Variants in EHF observed in about 807,000 individuals in gnomAD.
EHF encodes the protein ETS homologous factor, also known as ESE3 transcription factor.
In EHF, 14 loss-of-function variants were observed where a neutral mutation model predicts 45.1. That is an observed-to-expected ratio of 0.31 (90% CI 0.21 to 0.49). EHF has a LOEUF of 0.49. Ranked by LOEUF, EHF falls within the 20% of genes least tolerant of loss-of-function variation. The probability of loss-of-function intolerance (pLI) is 0.99; values close to 1 mark genes in which losing one functional copy is unlikely to be tolerated. For missense variants in EHF, 282 were observed against 371.4 expected (o/e 0.76, Z 1.98); for synonymous variants, 136 against 131.8 (o/e 1.03, Z -0.22).
intron 1 of EHF, chr11:34,632,427 A>G: frequency 6.9e-7 from 1 of 1,446,794 alleles, no homozygotes; most frequent in South Asian, 1.4e-5. Flanking sequence ...ACATAAACAC[A>G]CCATTGTCTC....
At chr11:34,645,733 G>A (rs1191909522) in intron 2 of EHF, among the ~76,000 whole-genome samples, 2 of 152,352 alleles carry the variant, frequency 1.3e-5, no homozygotes, top group South Asian at 2.1e-4. Context: ...TTAGCTGAAA[G>A]AACAGCATAG....
chr11:34,634,559 G>A (rs562639728), intron 1 of EHF, among the ~76,000 whole-genome samples: 1 of 152,276 alleles, frequency 6.6e-6, no homozygotes, highest in Admixed American at 6.5e-5. Flanking sequence ...CTGCTCCGTG[G>A]CCCTGGTGGT....
At chr11:34,625,385 C>T (rs561197102) in intron 1 of EHF, among the ~76,000 whole-genome samples, 9 of 152,284 alleles carry the variant, frequency 5.9e-5, no homozygotes, top group East Asian at 1.9e-4. Context: ...TTCTATAAAA[C>T]GCCAAAGCAG....
At chr11:34,646,979 G>T in intron 3 of EHF, 2 of 408,202 alleles carry the variant, frequency 4.9e-6, no homozygotes, top group Non-Finnish European at 4.3e-6. Context: ...ACTATCCTTG[G>T]AAAATGTTTT....
At chr11:34,657,314 G>A (rs1855764048) in intron 7 of EHF, among the ~76,000 whole-genome samples, 2 of 152,180 alleles carry the variant, frequency 1.3e-5, no homozygotes, top group African/African-American at 4.8e-5. Flanking sequence ...AGAAGAAACA[G>A]CTGAGATGTA....
intron 1 of EHF, among the ~76,000 whole-genome samples, chr11:34,634,658 C>A (rs974126536): frequency 2.1e-4 from 32 of 152,138 alleles, no homozygotes; most frequent in African/African-American, 7.7e-4. Flanking sequence ...AATTATGGAC[C>A]AGTCGATTTC....
intron 1 of EHF, among the ~76,000 whole-genome samples, chr11:34,627,645 C>G (rs16925929): frequency 0.089 from 13,471 of 152,078 alleles, 1,323 homozygotes; most frequent in African/African-American, 0.24. Context: ...GTTTCTAGAG[C>G]CTATTTGAAT....
At chr11:34,657,294 G>A (rs1855761973) in intron 7 of EHF, among the ~76,000 whole-genome samples, 1 of 152,154 alleles carries the variant, frequency 6.6e-6, no homozygotes, top group Non-Finnish European at 1.5e-5. Context: ...GTGGGAAGAG[G>A]AGCGAGATAA....
At chr11:34,638,491 G>A (rs1404991539) in intron 1 of EHF, among the ~76,000 whole-genome samples, 1 of 152,102 alleles carries the variant, frequency 6.6e-6, no homozygotes, top group Non-Finnish European at 1.5e-5. Flanking sequence ...GAAGGCTAAG[G>A]GACAGCCTAA....
chr11:34,647,019 C>A, intron 3 of EHF: 5 of 282,390 alleles, frequency 1.8e-5, no homozygotes, highest in East Asian at 6.3e-5. Context: ...CAGTCACTTG[C>A]TTGTTAAAAA....
chr11:34,639,475 A>G (rs10836267), intron 1 of EHF, among the ~76,000 whole-genome samples: 19,861 of 152,246 alleles, frequency 0.13, 1,436 homozygotes, highest in East Asian at 0.27. Flanking sequence ...CCATCTCAAC[A>G]GTCCTGTGAG....
chr11:34,642,892 C>T (rs952354934), intron 2 of EHF, among the ~76,000 whole-genome samples, 165 bp downstream of exon 2: 1 of 152,150 alleles, frequency 6.6e-6, no homozygotes, highest in African/African-American at 2.4e-5. Context: ...CAGCCCCCAG[C>T]GTTCCAGACA....
Position 34,656,977 on chromosome 11 carries a change from T to C in EHF, c.607+7T>C. 1 of 1,613,310 alleles carries C rather than the reference T, an allele frequency of 6.2e-7. No individual in the cohort carries two copies. Among genetic ancestry groups the C allele is most frequent in the Non-Finnish European group, 8.5e-7 (1 of 1,179,622 alleles). On this transcript the variant is annotated splice_region_variant and intron_variant, in intron 7 of 8. Transcript: ENST00000257831. ...TGCCACACCAAAAAGCACAGTAAGT[T>C]GGCTGGCTTTCAGATGGCCTTTGGT...
At chr11:34,624,370 A>G (rs1590394397) in intron 1 of EHF, 1 of 952,864 alleles carries the variant, frequency 1.0e-6, no homozygotes, top group Non-Finnish European at 1.2e-6. Flanking sequence ...GCAGGAGGGC[A>G]GCCACACCTT....
At chr11:34,634,662 C>T (rs1476810965) in intron 1 of EHF, among the ~76,000 whole-genome samples, 4 of 151,978 alleles carry the variant, frequency 2.6e-5, no homozygotes, top group Non-Finnish European at 5.9e-5. Flanking sequence ...ATGGACCAGT[C>T]GATTTCCCAA....
At chr11:34,655,145 G>C (rs999556962) in intron 6 of EHF, among the ~76,000 whole-genome samples, 5 of 152,166 alleles carry the variant, frequency 3.3e-5, no homozygotes, top group Non-Finnish European at 4.4e-5. Flanking sequence ...TCGGATTTCA[G>C]AGAAACCCAA....
rs286886 is a variant in EHF at position 34,662,375 on chromosome 11, G to A, written c.*3444G>A. 0.029 allele frequency among the ~76,000 whole-genome samples: 4,338 copies of A among 151,970 alleles called. 86 individuals carry two copies. Among genetic ancestry groups the A allele is most frequent in the Non-Finnish European group, 0.043 (2,912 of 67,962 alleles). On this transcript the variant is annotated 3_prime_UTR_variant, in exon 9 of 9. Transcript: ENST00000257831. The stretch of plus-strand genomic sequence containing the variant: ...CGCTGAAATGAAACCAAAACAGGCC[G>A]TTGGGTTCCACAAGTCAATATATGT...
intron 1 of EHF, among the ~76,000 whole-genome samples, chr11:34,629,216 A>C (rs1379074906): frequency 6.6e-6 from 1 of 152,244 alleles, no homozygotes; most frequent in Non-Finnish European, 1.5e-5. Flanking sequence ...AACAACTGGA[A>C]AGATGGCTGA....
At chr11:34,650,092 G>A (rs1412966933) in intron 4 of EHF, among the ~76,000 whole-genome samples, 3 of 152,244 alleles carry the variant, frequency 2.0e-5, no homozygotes, top group African/African-American at 7.2e-5. Context: ...CCCTAGAGAT[G>A]GATGCAGGAC....
Sources: allele counts gnomAD v4.1 joint callset (sites outside exome capture counted in the v4.1 genomes callset), GRCh38; gene constraint gnomAD v4.1.1; transcripts MANE v1.5; gene names NCBI Gene and HGNC (gene_info 2026-07-23, HGNC 2026-07-21).